CRYL1: variants seen among roughly 807,000 people sequenced by gnomAD.
CRYL1 encodes the protein lambda-crystallin homolog.
CRYL1 carries 29 observed loss-of-function variants against 36.6 expected under a neutral mutation model. The ratio of observed to expected loss-of-function variants is 0.79; its 90% CI spans 0.59 to 1.08. The LOEUF (loss-of-function observed/expected upper bound fraction) is 1.08. CRYL1 is among the 50% of genes least tolerant of loss of function. The pLI is 0.00. For synonymous variants in CRYL1, 152 were observed against 151.5 expected (o/e 1.00, Z -0.02); for missense variants, 411 against 407.9 (o/e 1.01, Z -0.06).
chr13:20,520,424 GTCTTAC>G (rs1284792850), intron 1 of CRYL1, among the ~76,000 whole-genome samples: 1 of 152,176 alleles, frequency 6.6e-6, no homozygotes, highest in Non-Finnish European at 1.5e-5. Context: ...CATGGCTTGG[GTCTTAC>G]CCCGCTGCTG....
intron 5 of CRYL1, among the ~76,000 whole-genome samples, chr13:20,414,611 A>G (rs959099192): frequency 6.6e-6 from 1 of 152,142 alleles, no homozygotes; most frequent in African/African-American, 2.4e-5. Flanking sequence ...ATATTCTTTG[A>G]TGAAATGCAG....
Position 20,439,625 on chromosome 13 carries a change from C to T in CRYL1, c.406G>A (p.Val136Ile), listed in dbSNP as rs1445987732. Residue 136 changes from valine to isoleucine, a missense_variant, in exon 4 of 8, where the codon GTC (valine) becomes ATC (isoleucine). Physicochemically the swap from Val to Ile is conservative, Grantham distance 29. Coordinates refer to ENST00000298248, the MANE Select transcript of CRYL1 (RefSeq NM_015974.3). ...LMPSKLFAGL[V>I]HVKQCIVAHP... ...GCCACGATGCATTGCTTCACATGGACCAAGCCAGCAAACAACTTGGAAGGC... is the reference window on the plus strand; with the variant it reads ...GCCACGATGCATTGCTTCACATGGATCAAGCCAGCAAACAACTTGGAAGGC... 3.1e-6 allele frequency: 5 copies of T among 1,612,970 alleles called. No individual in the cohort carries two copies. Among genetic ancestry groups the T allele is most frequent in the African/African-American group, 1.3e-5 (1 of 74,576 alleles).
chr13:20,459,340 A>C (rs1472761010), intron 3 of CRYL1, among the ~76,000 whole-genome samples: 1 of 152,150 alleles, frequency 6.6e-6, no homozygotes, highest in African/African-American at 2.4e-5. Context: ...CAGCAATCCC[A>C]TTACTGGGTA....
chr13:20,420,252 AAAG>A (rs2031769556), intron 5 of CRYL1, among the ~76,000 whole-genome samples: 1 of 152,224 alleles, frequency 6.6e-6, no homozygotes. Flanking sequence ...CGCTCCGGGG[AAAG>A]AAGATGAGAA....
intron 3 of CRYL1, among the ~76,000 whole-genome samples, chr13:20,487,634 C>T (rs2033426633): frequency 6.6e-6 from 1 of 152,074 alleles, no homozygotes; most frequent in Admixed American, 6.6e-5. Flanking sequence ...AAACTCACGG[C>T]TGGGAACAGT....
intron 4 of CRYL1, among the ~76,000 whole-genome samples, chr13:20,439,161 G>A (rs2032296341): frequency 6.6e-6 from 1 of 152,124 alleles, no homozygotes; most frequent in Non-Finnish European, 1.5e-5. Flanking sequence ...ACTACACAGT[G>A]CAAGTGACGT....
At chr13:20,488,301 T>C (rs142183575) in intron 3 of CRYL1, among the ~76,000 whole-genome samples, 1 of 152,134 alleles carries the variant, frequency 6.6e-6, no homozygotes, top group Non-Finnish European at 1.5e-5. Context: ...TTAGGAGCCC[T>C]CAGGTCTCTT....
intron 1 of CRYL1, among the ~76,000 whole-genome samples, chr13:20,523,376 G>A (rs2034131793): frequency 6.6e-6 from 1 of 152,110 alleles, no homozygotes; most frequent in Admixed American, 6.5e-5. Flanking sequence ...GTGAACTTTG[G>A]AAAAAGATCA....
intron 3 of CRYL1, among the ~76,000 whole-genome samples, chr13:20,464,602 T>G (rs2032895211): frequency 6.6e-6 from 1 of 152,182 alleles, no homozygotes. Context: ...TTAAAATCTA[T>G]TTCTGTGTGA....
At chr13:20,464,134 A>C (rs115934584) in intron 3 of CRYL1, among the ~76,000 whole-genome samples, 1,673 of 152,352 alleles carry the variant, frequency 0.011, 27 homozygotes, top group African/African-American at 0.038. Flanking sequence ...AATTGCAAAA[A>C]TATAAACATT....
At chr13:20,442,034 C>A (rs2032361883) in intron 3 of CRYL1, among the ~76,000 whole-genome samples, 1 of 152,318 alleles carries the variant, frequency 6.6e-6, no homozygotes, top group East Asian at 1.9e-4. Flanking sequence ...TGTATTGAGT[C>A]ATTCCTGGAT....
chr13:20,516,531 GTGC>G (rs1441973625), intron 1 of CRYL1, among the ~76,000 whole-genome samples: 1 of 151,932 alleles, frequency 6.6e-6, no homozygotes, highest in East Asian at 1.9e-4. Flanking sequence ...CCAGGCTGGA[GTGC>G]TGTGGGGGTA....
At chr13:20,404,460 G>A (rs2031311947) in intron 7 of CRYL1, among the ~76,000 whole-genome samples, 175 bp downstream of exon 7, 1 of 152,096 alleles carries the variant, frequency 6.6e-6, no homozygotes, top group Admixed American at 6.5e-5. Context: ...CTGTCCTTAA[G>A]GTGTCCTGGT....
intron 2 of CRYL1, among the ~76,000 whole-genome samples, chr13:20,509,817 C>T (rs1259327669): frequency 1.3e-5 from 2 of 152,152 alleles, no homozygotes; most frequent in African/African-American, 4.8e-5. Context: ...GTAATCCCAG[C>T]TACTCGGGAG....
intron 3 of CRYL1, among the ~76,000 whole-genome samples, chr13:20,445,501 A>G (rs1343346943): frequency 1.3e-5 from 2 of 152,200 alleles, no homozygotes; most frequent in African/African-American, 2.4e-5. Flanking sequence ...TTAGGGAGAT[A>G]TGCTCCTAGC....
intron 2 of CRYL1, among the ~76,000 whole-genome samples, chr13:20,496,706 A>G (rs192383593): frequency 1.3e-3 from 196 of 151,910 alleles, no homozygotes; most frequent in African/African-American, 4.6e-3. Flanking sequence ...TCTTGTGCTC[A>G]GGAGTTTGAG....
At chr13:20,420,751 T>G (rs2031789430) in intron 5 of CRYL1, among the ~76,000 whole-genome samples, 1 of 131,716 alleles carries the variant, frequency 7.6e-6, no homozygotes, top group African/African-American at 2.9e-5. Flanking sequence ...GTGTGTGTGT[T>G]TTGAGACAGA....
chr13:20,467,924 G>A lies in CRYL1; in HGVS notation c.276+21446C>T, dbSNP rs79428931. ...GAGCTCCACCTCCTGTTAGATCAGCGTGGCATTGGATTCTCACAGGAGCGC... is the reference window on the plus strand; with the variant it reads ...GAGCTCCACCTCCTGTTAGATCAGCATGGCATTGGATTCTCACAGGAGCGC... On this transcript the variant is annotated intron_variant, in intron 3 of 7. Transcript: ENST00000298248. Among the ~76,000 whole-genome samples the A allele has an allele frequency of 9.1e-3, 1,389 of 152,302 alleles. 22 individuals are homozygous for A. Among genetic ancestry groups the A allele is most frequent in the African/African-American group, 0.031 (1,287 of 41,554 alleles).
At chr13:20,495,120 A>T (rs9550656) in intron 2 of CRYL1, among the ~76,000 whole-genome samples, 5 of 151,986 alleles carry the variant, frequency 3.3e-5, no homozygotes, top group African/African-American at 7.3e-5. Flanking sequence ...ATTAATTCCA[A>T]TTTTTTTTAT....
Sources: gnomAD v4.1 joint callset for allele counts (sites outside exome capture counted in the v4.1 genomes callset) on GRCh38, gnomAD v4.1.1 for gene constraint, MANE v1.5 for transcripts, NCBI Gene and HGNC (gene_info 2026-07-23, HGNC 2026-07-21) for gene names.